Variants in UNC13A observed in about 807,000 individuals in gnomAD.
The protein encoded by UNC13A is unc-13 homolog A.
UNC13A carries 61 observed loss-of-function variants against 219.7 expected under a neutral mutation model. The observed-to-expected ratio is 0.28, with a 90% CI of 0.23 to 0.34. The LOEUF is 0.34. Among genes scored for constraint, UNC13A ranks in the 10% least tolerant of loss-of-function variants. UNC13A has a pLI of 1.00. For synonymous variants in UNC13A, 920 were observed against 884.6 expected (o/e 1.04, Z -0.71); for missense variants, 1,476 against 2,270.3 (o/e 0.65, Z 7.11).
Position 17,645,835 on chromosome 19 carries a change from T to C in UNC13A, c.2195A>G (p.His732Arg). The C allele has an allele frequency of 6.2e-7, 1 of 1,609,500 alleles. No individual in the cohort carries two copies. Among genetic ancestry groups the C allele is most frequent in the Non-Finnish European group, 8.5e-7 (1 of 1,177,888 alleles). The change falls in exon 19 of 44, where the codon CAC becomes CGC. Residue 732 changes from histidine to arginine, a missense_variant. By Grantham distance (29) the His-to-Arg change is conservative. Transcript: ENST00000519716. Reference protein sequence around the residue: ...VWEENFHFECHNSSDRIKVRV... With the variant: ...VWEENFHFECRNSSDRIKVRV... ...CACCTTGATGCGGTCGGAGGAATTG[T>C]GACATTCACTGTGGCGGGAGGAGGA...
intron 9 of UNC13A, among the ~76,000 whole-genome samples, chr19:17,657,255 C>A (rs1007144428): frequency 2.6e-5 from 4 of 152,212 alleles, no homozygotes; most frequent in African/African-American, 4.8e-5. Context: ...CCGCCTCCTC[C>A]ATTCCGGCCA....
intron 11 of UNC13A, among the ~76,000 whole-genome samples, chr19:17,653,940 C>T (rs542727572): frequency 4.0e-5 from 6 of 151,654 alleles, no homozygotes; most frequent in South Asian, 2.1e-4. Flanking sequence ...CATTCTCCTG[C>T]CTCAGCCTCC....
chr19:17,645,584 G>A, intron 19 of UNC13A, 90 bp downstream of exon 19: 1 of 1,557,912 alleles, frequency 6.4e-7, no homozygotes, highest in East Asian at 2.3e-5. Context: ...CTCCTCCTGA[G>A]AACACATCTC....
chr19:17,618,867 G>A, intron 39 of UNC13A, 39 bp downstream of exon 39: 1 of 1,610,012 alleles, frequency 6.2e-7, no homozygotes, highest in Non-Finnish European at 8.5e-7. Context: ...TGAGTTTGGG[G>A]GGCAGTCCCT....
chr19:17,686,287 G>C (rs922646343), intron 1 of UNC13A, among the ~76,000 whole-genome samples: 2 of 101,802 alleles, frequency 2.0e-5, no homozygotes, highest in African/African-American at 4.8e-5. Flanking sequence ...AGAGTTAAGG[G>C]TGAGATCCCC....
chr19:17,664,952 CACTT>C (rs933455247), intron 7 of UNC13A, among the ~76,000 whole-genome samples: 1 of 152,162 alleles, frequency 6.6e-6, no homozygotes, highest in African/African-American at 2.4e-5. Context: ...GTAATCCCAG[CACTT>C]TGGGAAGCTG....
intron 1 of UNC13A, among the ~76,000 whole-genome samples, chr19:17,684,435 C>T (rs986929007): frequency 1.3e-5 from 2 of 152,100 alleles, no homozygotes; most frequent in Non-Finnish European, 2.9e-5. Context: ...AGGAACAGTG[C>T]CTGGTATACA....
At chr19:17,666,144 C>A (rs184467739) in intron 7 of UNC13A, among the ~76,000 whole-genome samples, 3,494 of 147,022 alleles carry the variant, frequency 0.024, 64 homozygotes, top group Non-Finnish European at 0.034. Context: ...TTCTTTCTTT[C>A]TTTCCTCTCC....
chr19:17,618,446 A>T lies in UNC13A; in HGVS notation c.4385T>A (p.Val1462Asp). 1 of 1,589,136 alleles carries T rather than the reference A, an allele frequency of 6.3e-7. No individual in the cohort carries two copies. Residue 1462 changes from valine (V) to aspartate (D), a missense_variant, in exon 40 of 44, where the codon GTT becomes GAT. Physicochemically the swap from Val to Asp is radical, Grantham distance 152. Coordinates refer to ENST00000519716, the MANE Select transcript of UNC13A (RefSeq NM_001080421.3). ...KSLTPKQCAVVELALDTIKQY... is the reference protein window; with the variant it reads ...KSLTPKQCAVDELALDTIKQY... ...CTTGATGGTGTCCAGGGCCAACTCA[A>T]CAACCGCGCACTGCTTTGGGGTCAA...
At chr19:17,607,042 C>T (rs1231788674) in intron 43 of UNC13A, among the ~76,000 whole-genome samples, 2 of 152,068 alleles carry the variant, frequency 1.3e-5, no homozygotes, top group Non-Finnish European at 2.9e-5. Flanking sequence ...AGTACTCCGG[C>T]CCACCCTGGC....
At position 17,648,977 on chromosome 19, in the gene UNC13A, C is replaced by G; in HGVS notation, c.1531G>C (p.Val511Leu). ...GTGATGCCCGCTTTCCTGGACTGGACCAGGGACTGGGGAGGTCACAGAAGA... is the reference window on the plus strand; with the variant it reads ...GTGATGCCCGCTTTCCTGGACTGGAGCAGGGACTGGGGAGGTCACAGAAGA... ...PLVSDLAMSLVQSRKAGITSA... is the reference protein window; with the variant it reads ...PLVSDLAMSLLQSRKAGITSA... Residue 511 changes from valine (V) to leucine (L), a missense_variant, in exon 15 of 44, where the codon GTC becomes CTC. By Grantham distance (32) the Val-to-Leu change is conservative. Transcript: ENST00000519716. The G allele has an allele frequency of 6.2e-7, 1 of 1,601,930 alleles. No individual in the cohort carries two copies. The highest frequency in any genetic ancestry group is 8.5e-7 in the Non-Finnish European group (1 of 1,174,932).
Position 17,674,840 on chromosome 19 carries a change from T to C in UNC13A, c.53-84A>G, listed in dbSNP as rs1017209018. 3 of 1,219,346 alleles carry C rather than the reference T, an allele frequency of 2.5e-6. No individual in the cohort carries two copies. The Admixed American group carries it at 5.3e-5, about 22-fold the overall frequency. The allele number at this position is 1,219,346 out of a possible 1,614,324, so 75.5% of individuals were successfully genotyped here. A position where few individuals can be genotyped will look rare whatever the true frequency, so the allele number is the denominator to read the frequency against. On this transcript the variant is annotated intron_variant, in intron 2 of 43. Transcript: ENST00000519716. The surrounding 1 kb of genome is among the most constrained non-coding windows in gnomAD (Gnocchi z 5.0). ...CCAAGCTCTAGACCATCTGCTGTGATCCCCTCAGGAATTTCTGGGCCACTC... is the reference window on the plus strand; with the variant it reads ...CCAAGCTCTAGACCATCTGCTGTGACCCCCTCAGGAATTTCTGGGCCACTC...
At chr19:17,621,741 C>T in intron 37 of UNC13A, 91 bp downstream of exon 37, 1 of 1,419,440 alleles carries the variant, frequency 7.0e-7, no homozygotes. Flanking sequence ...CCCCAGCTGC[C>T]CTTCCTGCCC....
chr19:17,646,223 G>A (rs1229750575), intron 17 of UNC13A, 112 bp from the exon 18 acceptor site: 4 of 1,454,668 alleles, frequency 2.7e-6, no homozygotes, highest in Admixed American at 2.0e-5. Context: ...AGCATGGCTG[G>A]AGAGCAATGG....
At position 17,647,454 on chromosome 19, in the gene UNC13A, G is replaced by A. The variant is rs1315547523; in HGVS notation, c.1855C>T (p.Arg619Trp). The A allele has an allele frequency of 6.2e-7, 1 of 1,613,398 alleles. No individual in the cohort carries two copies. Among genetic ancestry groups the A allele is most frequent in the Non-Finnish European group, 8.5e-7 (1 of 1,179,792 alleles). The change falls in exon 17 of 44, where the codon CGG becomes TGG. Residue 619 changes from arginine to tryptophan, a missense_variant. Arg to Trp is a moderately radical substitution (Grantham distance 101). Coordinates refer to ENST00000519716, the MANE Select transcript of UNC13A (RefSeq NM_001080421.3). ...EKSSKHGAEDRTQNIIMVLKD... is the reference protein window; with the variant it reads ...EKSSKHGAEDWTQNIIMVLKD... ...AGCACCATGATGATGTTCTGTGTCC[G>A]GTCCTCCGCCCCGTGCTTGGAGCTC...
chr19:17,622,096 AAG>A (rs35574303), intron 36 of UNC13A, among the ~76,000 whole-genome samples: 3 of 152,162 alleles, frequency 2.0e-5, no homozygotes, highest in South Asian at 4.1e-4. Context: ...AGAGACAGGA[AAG>A]AGAGAGAAAG....
intron 11 of UNC13A, 145 bp from the exon 12 acceptor site, chr19:17,652,822 G>A (rs901671616): frequency 9.6e-6 from 8 of 836,210 alleles, no homozygotes; most frequent in East Asian, 2.5e-5. Context: ...AGGAAGCTCC[G>A]TGGCTATCTC....
At chr19:17,633,328 GCTGA>G (rs2076877502) in intron 26 of UNC13A, 135 bp from the exon 27 acceptor site, 9 of 714,420 alleles carry the variant, frequency 1.3e-5, no homozygotes, top group Non-Finnish European at 2.2e-5. Context: ...CATAGCCACT[GCTGA>G]CTGACTCTGC....
intron 16 of UNC13A, 21 bp downstream of exon 16, chr19:17,648,410 G>T: frequency 6.5e-7 from 1 of 1,539,530 alleles, no homozygotes; most frequent in Admixed American, 1.9e-5. Context: ...CCGTGGCCCT[G>T]CGCTCAGGCC....
Sources: allele counts gnomAD v4.1 joint callset (sites outside exome capture counted in the v4.1 genomes callset), GRCh38; gene constraint gnomAD v4.1.1; non-coding constraint Gnocchi (gnomAD v3.1); transcripts MANE v1.5; gene names NCBI Gene and HGNC (gene_info 2026-07-23, HGNC 2026-07-21).